The following MYO16 variants were observed in gnomAD, a reference collection of about 807,000 sequenced individuals.
The protein encoded by MYO16 is unconventional myosin-XVI.
A neutral mutation model predicts 205.3 loss-of-function variants in MYO16; 94 were observed. The observed-to-expected ratio is 0.46, with a 90% confidence interval of 0.39 to 0.54. The LOEUF is 0.54. MYO16 is among the 20% of genes least tolerant of loss of function. The pLI is 0.00. For missense variants in MYO16, 2,315 were observed against 2,387.5 expected (o/e 0.97, Z 0.63); for synonymous variants, 988 against 954.0 (o/e 1.04, Z -0.66).
chr13:108,815,618 C>T (rs1875540331), intron 7 of MYO16, among the ~76,000 whole-genome samples: 1 of 152,162 alleles, frequency 6.6e-6, no homozygotes, highest in African/African-American at 2.4e-5. Context: ...CCCAGTGATA[C>T]CTGTGTCAGA....
At chr13:108,880,986 A>C (rs1284800368) in intron 12 of MYO16, among the ~76,000 whole-genome samples, 2 of 151,982 alleles carry the variant, frequency 1.3e-5, no homozygotes, top group Non-Finnish European at 2.9e-5. Flanking sequence ...GGACAGACTG[A>C]CTCCCCAAGT....
the MYO16 span, among the ~76,000 whole-genome samples, chr13:108,498,592 A>G: frequency 5.3e-5 from 8 of 152,334 alleles, no homozygotes; most frequent in African/African-American, 1.7e-4. Context: ...CAGAGAGCAA[A>G]GAGTGAGCAT....
intron 15 of MYO16, among the ~76,000 whole-genome samples, chr13:108,909,528 G>A (rs1881161581): frequency 6.6e-6 from 1 of 151,494 alleles, no homozygotes; most frequent in African/African-American, 2.4e-5. Flanking sequence ...TGGCAGTGAG[G>A]GACCATGGTC....
At chr13:108,555,356 C>A in the MYO16 span, among the ~76,000 whole-genome samples, 1 of 152,002 alleles carries the variant, frequency 6.6e-6, no homozygotes, top group African/African-American at 2.4e-5. Context: ...TCATTGTGTA[C>A]AATATGATGT....
intron 27 of MYO16, among the ~76,000 whole-genome samples, chr13:109,094,250 A>G (rs549528420): frequency 6.6e-6 from 1 of 152,314 alleles, no homozygotes; most frequent in Non-Finnish European, 1.5e-5. Flanking sequence ...GGTTTCTGTC[A>G]TCCAGGCTGG....
chr13:108,976,957 A>C (rs1305760904), intron 20 of MYO16, among the ~76,000 whole-genome samples: 1 of 152,196 alleles, frequency 6.6e-6, no homozygotes, highest in African/African-American at 2.4e-5. Flanking sequence ...CTAAAAGCCA[A>C]GATTCCTTTT....
At chr13:108,522,352 T>C in the MYO16 span, among the ~76,000 whole-genome samples, 1 of 152,232 alleles carries the variant, frequency 6.6e-6, no homozygotes, top group African/African-American at 2.4e-5. Flanking sequence ...ACATTTAACA[T>C]GTTCCTTTTT....
chr13:108,869,551 C>G (rs1202833782), intron 12 of MYO16, among the ~76,000 whole-genome samples: 1 of 136,908 alleles, frequency 7.3e-6, no homozygotes, highest in African/African-American at 2.8e-5. Context: ...GATGAAACCC[C>G]GTCTCTACTA....
At chr13:108,940,165 C>T (rs531257630) in intron 16 of MYO16, among the ~76,000 whole-genome samples, 5 of 152,116 alleles carry the variant, frequency 3.3e-5, no homozygotes, top group Non-Finnish European at 7.3e-5. Context: ...ACACAAAGAA[C>T]AGCAGAGAAC....
chr13:109,179,717 T>C, intron 34 of MYO16, 84 bp downstream of exon 34: 1 of 1,100,466 alleles, frequency 9.1e-7, no homozygotes, highest in Non-Finnish European at 1.4e-6. Flanking sequence ...TACCAATAGA[T>C]GCTCTGTGTG....
chr13:108,550,294 G>A, the MYO16 span, among the ~76,000 whole-genome samples: 1 of 152,270 alleles, frequency 6.6e-6, no homozygotes, highest in Non-Finnish European at 1.5e-5. Flanking sequence ...TTGTCTGGTA[G>A]TCCTAGCCAT....
At chr13:108,848,554 A>G (rs1877642744) in intron 10 of MYO16, among the ~76,000 whole-genome samples, 1 of 152,222 alleles carries the variant, frequency 6.6e-6, no homozygotes, top group Non-Finnish European at 1.5e-5. Context: ...CAATGATCCC[A>G]GCACTAGAGG....
At chr13:109,142,285 T>A (rs183967314) in intron 32 of MYO16, among the ~76,000 whole-genome samples, 1 of 152,290 alleles carries the variant, frequency 6.6e-6, no homozygotes, top group Admixed American at 6.5e-5. Context: ...ACCAAAATGT[T>A]TTCTCAATGG....
chr13:108,752,601 T>C (rs1885271287), intron 4 of MYO16, among the ~76,000 whole-genome samples: 1 of 152,044 alleles, frequency 6.6e-6, no homozygotes, highest in Admixed American at 6.6e-5. Context: ...GGAGATTTCC[T>C]TTTTGTTTTG....
intron 1 of MYO16, among the ~76,000 whole-genome samples, chr13:108,633,186 G>C (rs1566517002): frequency 6.6e-6 from 1 of 152,164 alleles, no homozygotes; most frequent in Non-Finnish European, 1.5e-5. Context: ...TGTTGTATTA[G>C]TCAGGGCTTT....
At chr13:109,029,033 GATGCTGCA>G (rs113447380) in intron 23 of MYO16, among the ~76,000 whole-genome samples, 2,521 of 151,390 alleles carry the variant, frequency 0.017, 72 homozygotes, top group African/African-American at 0.058. Flanking sequence ...TTGTCTCATT[GATGCTGCA>G]ATGCTGCAGT....
chr13:109,110,947 T>C (rs1889265441), intron 28 of MYO16, among the ~76,000 whole-genome samples: 1 of 152,130 alleles, frequency 6.6e-6, no homozygotes, highest in African/African-American at 2.4e-5. Flanking sequence ...AAACATTTGA[T>C]TTACGAATGG....
intron 4 of MYO16, among the ~76,000 whole-genome samples, chr13:108,779,019 G>A (rs986215189): frequency 6.6e-6 from 1 of 152,202 alleles, no homozygotes; most frequent in African/African-American, 2.4e-5. Context: ...TAATGGCCGA[G>A]TGCCAGAGTC....
rs751386203 is a variant in MYO16 at position 108,992,392 on chromosome 13, A to T, written c.2386A>T (p.Ile796Phe). 3.1e-6 allele frequency: 5 copies of T among 1,609,694 alleles called. No homozygotes were observed. Among genetic ancestry groups the T allele is most frequent in the Non-Finnish European group, 4.2e-6 (5 of 1,176,632 alleles). ...TTGTTTCAGCATGCAGACATTGGATATTGGAATATTGGACATTTTTGGTTT... is the reference window on the plus strand; with the variant it reads ...TTGTTTCAGCATGCAGACATTGGATTTTGGAATATTGGACATTTTTGGTTT... ...DEQKSMQTLDIGILDIFGFEE... is the reference protein window; with the variant it reads ...DEQKSMQTLDFGILDIFGFEE... The change falls in exon 21 of 35, where the codon ATT becomes TTT. Residue 796 changes from isoleucine to phenylalanine, a missense_variant. Coordinates refer to ENST00000457511, the MANE Select transcript of MYO16 (RefSeq NM_001198950.3).
Sources: gnomAD v4.1 joint callset for allele counts (sites outside exome capture counted in the v4.1 genomes callset) on GRCh38, gnomAD v4.1.1 for gene constraint, MANE v1.5 for transcripts, NCBI Gene and HGNC (gene_info 2026-07-23, HGNC 2026-07-21) for gene names.